FLYWCH1: variants seen among roughly 807,000 people sequenced by gnomAD.
FLYWCH1 encodes FLYWCH-type zinc finger 1.
In FLYWCH1, 75 loss-of-function variants were observed where a neutral mutation model predicts 66.4. The observed-to-expected ratio is 1.13, with a 90% CI of 0.94 to 1.37. FLYWCH1 has a LOEUF of 1.37. Ranked by LOEUF, FLYWCH1 falls within the 40% of genes most tolerant of loss-of-function variation. The pLI, the probability that FLYWCH1 is intolerant of heterozygous loss-of-function variation, is 0.00. For synonymous variants in FLYWCH1, 595 were observed against 429.9 expected (o/e 1.38, Z -4.75); for missense variants, 1,334 against 1,001.8 (o/e 1.33, Z -4.48).
rs1228551074 is a variant in FLYWCH1 at position 2,950,871 on chromosome 16, C to T, written c.*2144C>T. On this transcript the variant is annotated 3_prime_UTR_variant, in exon 10 of 10. Transcript: ENST00000253928. ...TTGGGTGGCTTCATGGCCACCAACCCGCACCCTGGTGGCCACTCAGCCATG... is the reference window on the plus strand; with the variant it reads ...TTGGGTGGCTTCATGGCCACCAACCTGCACCCTGGTGGCCACTCAGCCATG... The T allele has an allele frequency of 5.3e-5, 8 of 152,264 alleles. No individual in the cohort carries two copies. In the East Asian group the frequency reaches 5.8e-4, roughly 11 times the overall value. The allele number at this position is 152,264 out of a possible 1,614,324, so 9.4% of individuals were successfully genotyped here. A position where few individuals can be genotyped will look rare whatever the true frequency, so the allele number is the denominator to read the frequency against.
intron 3 of FLYWCH1, 26 bp from the exon 4 acceptor site, chr16:2,930,384 C>A: frequency 1.4e-6 from 2 of 1,382,528 alleles, no homozygotes; most frequent in Non-Finnish European, 1.9e-6. Flanking sequence ...TCTAGCTTAG[C>A]TAACCTAGCC....
intron 2 of FLYWCH1, among the ~76,000 whole-genome samples, chr16:2,921,928 T>G (rs2070387880): frequency 1.3e-5 from 2 of 151,992 alleles, no homozygotes; most frequent in Admixed American, 1.3e-4. Context: ...CTAGGTGTGG[T>G]GGCGCGCGCC....
chr16:2,938,720 C>G (rs1482462134), intron 8 of FLYWCH1, among the ~76,000 whole-genome samples: 1 of 92,170 alleles, frequency 1.1e-5, no homozygotes, highest in African/African-American at 2.9e-5. Flanking sequence ...TCACACCATT[C>G]TCCTGCCTCA....
At chr16:2,931,305 T>TAAAAAA (rs150704073) in intron 4 of FLYWCH1, among the ~76,000 whole-genome samples, 2 of 87,460 alleles carry the variant, frequency 2.3e-5, no homozygotes, top group African/African-American at 9.6e-5. Flanking sequence ...TCCATCTCAG[T>TAAAAAA]AAAAAAAAAA....
chr16:2,913,926 T>G (rs1158233488), intron 1 of FLYWCH1, among the ~76,000 whole-genome samples: 1 of 151,954 alleles, frequency 6.6e-6, no homozygotes, highest in African/African-American at 2.4e-5. Context: ...CCTAGGCTGG[T>G]CTCGAACTCC....
chr16:2,939,179 C>T (rs1174158481), intron 8 of FLYWCH1, among the ~76,000 whole-genome samples: 1 of 152,184 alleles, frequency 6.6e-6, no homozygotes, highest in Non-Finnish European at 1.5e-5. Context: ...GGCACAGTGG[C>T]TCACGCCTGT....
At chr16:2,923,385 T>G (rs1273584663) in intron 2 of FLYWCH1, among the ~76,000 whole-genome samples, 1 of 152,188 alleles carries the variant, frequency 6.6e-6, no homozygotes, top group African/African-American at 2.4e-5. Flanking sequence ...TAGTTGGGAT[T>G]ACAGGCGTCC....
Position 2,914,954 on chromosome 16 carries a change from C to T in FLYWCH1, c.-74+665C>T, listed in dbSNP as rs550577755. Among the ~76,000 whole-genome samples, 17 of 139,552 alleles carry T rather than the reference C, an allele frequency of 1.2e-4. No homozygotes were observed. In the South Asian group the frequency reaches 3.8e-3, roughly 31 times the overall value. The allele number at this position is 139,552 out of a possible 152,430, so 91.6% of individuals were successfully genotyped here. A position where few individuals can be genotyped will look rare whatever the true frequency, so the allele number is the denominator to read the frequency against. The stretch of plus-strand genomic sequence containing the variant: ...AAATTTGTACTGAATGAAGATTGAA[C>T]ATTACAAAAGAAACACATTAGGGCC... On this transcript the variant is annotated intron_variant, in intron 2 of 9. Transcript: ENST00000253928.
At chr16:2,917,387 G>A (rs1596352557) in intron 2 of FLYWCH1, among the ~76,000 whole-genome samples, 5 of 151,066 alleles carry the variant, frequency 3.3e-5, no homozygotes, top group Admixed American at 1.3e-4. Context: ...CCACCACGAC[G>A]CCCAGCTAAT....
intron 9 of FLYWCH1, among the ~76,000 whole-genome samples, chr16:2,947,342 T>G (rs2071526352): frequency 6.6e-6 from 1 of 152,206 alleles, no homozygotes; most frequent in Non-Finnish European, 1.5e-5. Flanking sequence ...ACTAAGGATT[T>G]GGGGTTTCTT....
chr16:2,945,305 G>A (rs1202611168), intron 9 of FLYWCH1, among the ~76,000 whole-genome samples: 1 of 151,792 alleles, frequency 6.6e-6, no homozygotes, highest in Non-Finnish European at 1.5e-5. Flanking sequence ...GGCTAACACG[G>A]TAAAATCCCG....
Position 2,930,743 on chromosome 16 carries a change from G to A in FLYWCH1, c.659G>A (p.Gly220Asp), listed in dbSNP as rs1175554985. Residue 220 changes from glycine (G) to aspartate (D), a missense_variant, in exon 4 of 10, where the codon GGC (glycine) becomes GAC (aspartate). By Grantham distance (94) the Gly-to-Asp change is moderately conservative (BLOSUM62 -1). Coordinates refer to ENST00000253928, the MANE Select transcript of FLYWCH1 (RefSeq NM_001308068.2). Reference protein sequence around the residue: ...GRVEEPLEGVGPWQCPEEPEP... With the variant: ...GRVEEPLEGVDPWQCPEEPEP... ...GTGGAGGAGCCCCTGGAGGGGGTGG[G>A]CCCGTGGCAGTGCCCTGAGGAGCCC... 1 of 1,557,844 alleles carries A rather than the reference G, an allele frequency of 6.4e-7. No individual in the cohort carries two copies. The highest frequency in any genetic ancestry group is 8.6e-7 in the Non-Finnish European group (1 of 1,156,374).
At chr16:2,932,117 CAAAAAAAAAA>C in intron 4 of FLYWCH1, among the ~76,000 whole-genome samples, 1 of 109,858 alleles carries the variant, frequency 9.1e-6, no homozygotes, top group East Asian at 2.6e-4. Context: ...GACTCTGTCT[CAAAAAAAAAA>C]AAAAAAAATT....
chr16:2,916,819 C>T (rs1464759462), intron 2 of FLYWCH1, among the ~76,000 whole-genome samples: 64 of 151,838 alleles, frequency 4.2e-4, no homozygotes, highest in African/African-American at 1.4e-3. Flanking sequence ...CCTAAGGTTC[C>T]TGAAACTTGT....
In FLYWCH1 at chr16:2,923,756, G is replaced by A. The variant is rs138570480; in HGVS notation, c.-73-5857G>A. Among the ~76,000 whole-genome samples, 1,199 of 152,106 alleles carry A rather than the reference G, an allele frequency of 7.9e-3. 17 individuals carry two copies. Among genetic ancestry groups the A allele is most frequent in the African/African-American group, 0.027 (1,113 of 41,486 alleles). On this transcript the variant is annotated intron_variant, in intron 2 of 9. Transcript: ENST00000253928. ...TTCCATCTATTAAAAAGCCAGAATCGGCCCGGCGTAGTGGCTCACACCTGT... is the reference window on the plus strand; with the variant it reads ...TTCCATCTATTAAAAAGCCAGAATCAGCCCGGCGTAGTGGCTCACACCTGT...
chr16:2,948,049 AAATT>A lies in FLYWCH1; in HGVS notation c.2112-632_2112-629del, dbSNP rs200945882. Among the ~76,000 whole-genome samples the A allele has an allele frequency of 5.3e-3, 810 of 152,014 alleles. 4 individuals are homozygous for A. The highest frequency in any genetic ancestry group is 0.01 in the Middle Eastern group (3 of 294). On this transcript the variant is annotated intron_variant, in intron 9 of 9. Transcript: ENST00000253928. ...GAGTGACACCATATCTCAAAAAAGA[AAATT>A]AATTAAAGGAGAACTTTGTGTTTCT...
At chr16:2,945,284 A>T (rs570439170) in intron 9 of FLYWCH1, among the ~76,000 whole-genome samples, 1 of 152,048 alleles carries the variant, frequency 6.6e-6, no homozygotes, top group East Asian at 1.9e-4. Flanking sequence ...TCAGGAGATC[A>T]AGACCGTCCG....
At chr16:2,915,643 C>T (rs2070142916) in intron 2 of FLYWCH1, among the ~76,000 whole-genome samples, 2 of 152,026 alleles carry the variant, frequency 1.3e-5, no homozygotes, top group South Asian at 4.1e-4. Context: ...CGCAGTGGTT[C>T]ACGCCTGTAA....
At chr16:2,917,663 C>A (rs988092613) in intron 2 of FLYWCH1, among the ~76,000 whole-genome samples, 4 of 152,170 alleles carry the variant, frequency 2.6e-5, no homozygotes, top group African/African-American at 9.7e-5. Flanking sequence ...AGGTTCGTCG[C>A]TTAGCTGCAG....
Sources: gnomAD v4.1 joint callset for allele counts (sites outside exome capture counted in the v4.1 genomes callset) on GRCh38, gnomAD v4.1.1 for gene constraint, MANE v1.5 for transcripts, NCBI Gene and HGNC (gene_info 2026-07-23, HGNC 2026-07-21) for gene names.